SPTA1: variants seen among roughly 807,000 people sequenced by gnomAD.
The protein encoded by SPTA1 is spectrin alpha chain, erythrocytic 1.
SPTA1 carries 177 observed loss-of-function variants against 324.7 expected under a neutral mutation model. The ratio of observed to expected loss-of-function variants is 0.55; its 90% CI spans 0.48 to 0.62. SPTA1 has a LOEUF of 0.62. Among genes scored for constraint, SPTA1 ranks in the 20% least tolerant of loss-of-function variants. The pLI, the probability that SPTA1 is intolerant of heterozygous loss-of-function variation, is 0.00. For missense variants in SPTA1, 3,162 were observed against 2,883.6 expected (o/e 1.10, Z -2.21); for synonymous variants, 1,195 against 1,041.3 (o/e 1.15, Z -2.84).
At chr1:158,647,782 A>C (rs1291252278) in intron 26 of SPTA1, 62 bp from the exon 27 acceptor site, 1 of 1,578,494 alleles carries the variant, frequency 6.3e-7, no homozygotes, top group African/African-American at 1.3e-5. Flanking sequence ...TAGCAAAAGG[A>C]GAATCCTGAG....
rs1557915918 is a variant in SPTA1 at position 158,611,279 on chromosome 1, G to C, written c.7245C>G (p.Ser2415=). Residue 2415 remains serine (S), a synonymous_variant, in exon 52 of 52, where the codon TCC becomes TCG. Coordinates refer to ENST00000643759, the MANE Select transcript of SPTA1 (RefSeq NM_003126.4). The part of the protein sequence containing the change: ...SGYDYVGFTN[S]YFGN ...GAGCTGCTTATTAGTTGCCAAAGTA[G>C]GAATTGGTGAAGCCAACGTAGTCAT... 2 of 1,613,718 alleles carry C rather than the reference G, an allele frequency of 1.2e-6. No individual in the cohort carries two copies. The highest frequency in any genetic ancestry group is 1.7e-6 in the Non-Finnish European group (2 of 1,179,748).
At chr1:158,646,656 C>A (rs1652018466) in intron 27 of SPTA1, among the ~76,000 whole-genome samples, 1 of 152,114 alleles carries the variant, frequency 6.6e-6, no homozygotes, top group Non-Finnish European at 1.5e-5. Context: ...AAGGAAGCAC[C>A]ATTGGAATGG....
At chr1:158,621,595 A>G (rs1011895068) in intron 43 of SPTA1, among the ~76,000 whole-genome samples, 2 of 152,254 alleles carry the variant, frequency 1.3e-5, no homozygotes, top group Non-Finnish European at 2.9e-5. Flanking sequence ...ATTATTTTAA[A>G]AAGAAGATTA....
Position 158,642,915 on chromosome 1 carries a change from G to C in SPTA1, c.4504C>G (p.Leu1502Val). 1.2e-6 allele frequency: 2 copies of C among 1,613,758 alleles called. No individual in the cohort carries two copies. The highest frequency in any genetic ancestry group is 1.7e-6 in the Non-Finnish European group (2 of 1,179,840). Reference protein sequence around the residue: ...ERTKLGDYANLKQFYRDLEEL... With the variant: ...ERTKLGDYANVKQFYRDLEEL... The stretch of plus-strand genomic sequence containing the variant: ...TCAAGGTCTCGGTAGAATTGTTTTA[G>C]GTTGGCATAGTCTCCAAGCTTTGTC... Residue 1502 changes from leucine (L) to valine (V), a missense_variant, in exon 32 of 52, where the codon CTA becomes GTA. Leu to Val is a conservative substitution (Grantham distance 32). Transcript: ENST00000643759.
At chr1:158,672,851 C>G (rs960515502) in intron 10 of SPTA1, among the ~76,000 whole-genome samples, 3 of 151,818 alleles carry the variant, frequency 2.0e-5, no homozygotes, top group African/African-American at 7.3e-5. Flanking sequence ...AATGCCAGCA[C>G]TTTGGGAGGC....
At position 158,657,519 on chromosome 1, in the gene SPTA1, A is replaced by G. The variant is rs2101877502; in HGVS notation, c.2763T>C (p.Ile921=). Residue 921 remains isoleucine (I), a synonymous_variant, in exon 19 of 52, where the codon ATT becomes ATC. Transcript: ENST00000643759. The part of the protein sequence containing the change: ...AETWIREKEP[I]VDNTNYGADE... ...CAGCACCATAGTTAGTATTATCTAC[A>G]ATAGGTTCCTTCTCTCTGATCCATG... The G allele has an allele frequency of 6.2e-7, 1 of 1,613,982 alleles. No homozygotes were observed. The highest frequency in any genetic ancestry group is 8.5e-7 in the Non-Finnish European group (1 of 1,179,976).
Position 158,623,201 on chromosome 1 carries a change from G to C in SPTA1, c.5911-9C>G, listed in dbSNP as rs776482931. On this transcript the variant is annotated splice_polypyrimidine_tract_variant and intron_variant, in intron 42 of 51. Transcript: ENST00000643759. ...CTGGCATCCAGAGTGTCCTGAGAAA[G>C]ATCAGGAGAGAGGCCGTGAACAAGA... 4 of 1,602,056 alleles carry C rather than the reference G, an allele frequency of 2.5e-6. No homozygotes were observed. In the African/African-American group the frequency reaches 5.3e-5, roughly 21 times the overall value.
intron 9 of SPTA1, 23 bp downstream of exon 9, chr1:158,674,517 A>T: frequency 6.2e-7 from 1 of 1,613,974 alleles, no homozygotes; most frequent in Non-Finnish European, 8.5e-7. Context: ...CCCTCCTCCT[A>T]CTGGGCAGCC....
intron 33 of SPTA1, among the ~76,000 whole-genome samples, chr1:158,640,523 T>C (rs529827334): frequency 6.6e-6 from 1 of 152,146 alleles, no homozygotes; most frequent in South Asian, 2.1e-4. Flanking sequence ...TATACACCAA[T>C]AACAGACAAA....
intron 3 of SPTA1, among the ~76,000 whole-genome samples, chr1:158,682,084 C>T (rs779855353): frequency 6.6e-6 from 1 of 152,024 alleles, no homozygotes; most frequent in Non-Finnish European, 1.5e-5. Flanking sequence ...GAATTGTCTG[C>T]CAGAAAGTGT....
At position 158,621,818 on chromosome 1, in the gene SPTA1, T is replaced by TCTTA. The variant is rs1205885487; in HGVS notation, c.6120+1161_6120+1164dup. ...TTAATTTGTTACCAAGTACAATGAT[T>TCTTA]CTTAGGGTCTAGGAGTGCTCAGTAA... On this transcript the variant is annotated intron_variant, in intron 43 of 51. Coordinates refer to ENST00000643759, the MANE Select transcript of SPTA1 (RefSeq NM_003126.4). Among the ~76,000 whole-genome samples, 3 of 152,230 alleles carry TCTTA rather than the reference T, an allele frequency of 2.0e-5. No homozygotes were observed. In the East Asian group the frequency reaches 5.8e-4, roughly 29 times the overall value.
chr1:158,653,189 A>G (rs1035479589), intron 22 of SPTA1, 85 bp downstream of exon 22: 6 of 1,574,698 alleles, frequency 3.8e-6, no homozygotes, highest in Middle Eastern at 1.8e-4. Context: ...CTCAAATCTA[A>G]CAGATGCAGG....
chr1:158,623,735 A>G (rs1364514269), intron 42 of SPTA1, among the ~76,000 whole-genome samples: 1 of 152,220 alleles, frequency 6.6e-6, no homozygotes, highest in Non-Finnish European at 1.5e-5. Context: ...TATTCTTTAT[A>G]AATTACCCAG....
intron 18 of SPTA1, 85 bp downstream of exon 18, chr1:158,661,202 C>A: frequency 6.2e-7 from 1 of 1,601,536 alleles, no homozygotes; most frequent in African/African-American, 1.3e-5. Flanking sequence ...TTTTAAATTC[C>A]CTTGAAACCC....
chr1:158,620,672 A>G, intron 43 of SPTA1: 1 of 552,052 alleles, frequency 1.8e-6, no homozygotes, highest in Non-Finnish European at 3.2e-6. Context: ...GCATTTTCTC[A>G]TTGTGTGAAA....
chr1:158,612,733 T>G, intron 51 of SPTA1, 84 bp downstream of exon 51: 1 of 1,542,534 alleles, frequency 6.5e-7, no homozygotes, highest in Non-Finnish European at 8.9e-7. Flanking sequence ...TGGGTGGGTT[T>G]TTTCAAAGTA....
chr1:158,644,182 G>C, intron 30 of SPTA1, 71 bp downstream of exon 30: 3 of 1,578,212 alleles, frequency 1.9e-6, no homozygotes, highest in Non-Finnish European at 2.6e-6. Flanking sequence ...TATAAAACCA[G>C]ACAAATGTGT....
At chr1:158,656,476 T>G in intron 20 of SPTA1, 88 bp downstream of exon 20, 1 of 1,215,196 alleles carries the variant, frequency 8.2e-7, no homozygotes, top group Non-Finnish European at 1.2e-6. Context: ...TTTTTGGGGT[T>G]GTAGAAAGTA....
At chr1:158,676,054 GACTCCCTTT>G (rs1654369310) in intron 8 of SPTA1, 78 bp downstream of exon 8, 9 of 1,570,822 alleles carry the variant, frequency 5.7e-6, no homozygotes, top group Non-Finnish European at 7.9e-6. Flanking sequence ...CTCGCTATTT[GACTCCCTTT>G]ACTCTTATTT....
Sources: allele counts gnomAD v4.1 joint callset (sites outside exome capture counted in the v4.1 genomes callset), GRCh38; gene constraint gnomAD v4.1.1; transcripts MANE v1.5; gene names NCBI Gene and HGNC (gene_info 2026-07-23, HGNC 2026-07-21).